FBXL13: variants seen among roughly 807,000 people sequenced by gnomAD.
The protein encoded by FBXL13 is F-box and leucine-rich repeat protein 13.
In FBXL13, 67 loss-of-function variants were observed where a neutral mutation model predicts 83.6. The ratio of observed to expected loss-of-function variants is 0.80; its 90% CI spans 0.66 to 0.98. The LOEUF (loss-of-function observed/expected upper bound fraction) is 0.98, where lower values mean the gene tolerates loss of function less well. Ranked by LOEUF, FBXL13 falls within the 50% of genes least tolerant of loss-of-function variation. The pLI is 0.00. For missense variants in FBXL13, 822 were observed against 866.5 expected, an observed-to-expected ratio of 0.95 and a Z score of 0.64; for synonymous variants, 272 against 299.5, an observed-to-expected ratio of 0.91 and a Z score of 0.95.
intron 9 of FBXL13, among the ~76,000 whole-genome samples, chr7:102,930,619 T>C (rs1818982971): frequency 6.6e-6 from 1 of 152,236 alleles, no homozygotes; most frequent in Non-Finnish European, 1.5e-5. Context: ...TGGTTCTTTC[T>C]GAAACTCTTT....
At chr7:102,929,670 A>AG (rs1053118868) in intron 9 of FBXL13, among the ~76,000 whole-genome samples, 1 of 151,272 alleles carries the variant, frequency 6.6e-6, no homozygotes, top group Non-Finnish European at 1.5e-5. Flanking sequence ...TCTCAAAAAA[A>AG]AAAAAAAAAA....
At chr7:103,015,978 A>T (rs530992994) in intron 6 of FBXL13, among the ~76,000 whole-genome samples, 188 of 152,224 alleles carry the variant, frequency 1.2e-3, no homozygotes, top group Non-Finnish European at 2.2e-3. Flanking sequence ...CTACAACAAG[A>T]TTTACAAAAC....
intron 6 of FBXL13, chr7:102,988,671 T>A (rs1563190682): frequency 6.6e-6 from 1 of 152,184 alleles, no homozygotes. Context: ...AACTCCTTCA[T>A]CATGCAGAAC....
chr7:103,062,037 A>AAC (rs1797973257), intron 1 of FBXL13, among the ~76,000 whole-genome samples: 1 of 151,268 alleles, frequency 6.6e-6, no homozygotes, highest in South Asian at 2.1e-4. Flanking sequence ...AAAAAAAAAA[A>AAC]AAAAAAACAA....
chr7:102,816,551 CAGA>C (rs775374030), intron 19 of FBXL13, among the ~76,000 whole-genome samples: 2 of 152,142 alleles, frequency 1.3e-5, no homozygotes, highest in Non-Finnish European at 2.9e-5. Flanking sequence ...AAGTGGCTGC[CAGA>C]AGGTTTTTCT....
intron 10 of FBXL13, among the ~76,000 whole-genome samples, chr7:102,923,860 A>T (rs1001180616): frequency 3.3e-5 from 5 of 152,116 alleles, no homozygotes; most frequent in Admixed American, 6.5e-5. Flanking sequence ...TTTTAGATAT[A>T]TAAGAAGGAA....
intron 6 of FBXL13, among the ~76,000 whole-genome samples, chr7:103,024,146 A>AGAGAGG (rs1793563660): frequency 3.6e-5 from 2 of 55,894 alleles, no homozygotes; most frequent in Non-Finnish European, 6.5e-5. Flanking sequence ...AGAGAGAGAG[A>AGAGAGG]GAGAGAGAGA....
intron 8 of FBXL13, among the ~76,000 whole-genome samples, chr7:102,962,731 A>G (rs1161600586): frequency 1.3e-5 from 2 of 151,348 alleles, no homozygotes; most frequent in African/African-American, 4.9e-5. Flanking sequence ...CTATTGCAAG[A>G]ACAAAAAACC....
intron 10 of FBXL13, among the ~76,000 whole-genome samples, chr7:102,918,964 T>C (rs1019430980): frequency 3.3e-5 from 5 of 152,054 alleles, no homozygotes; most frequent in Non-Finnish European, 5.9e-5. Context: ...AAGAAAGAAC[T>C]GAGTGGTATT....
At chr7:103,053,217 A>G (rs1797007803) in intron 2 of FBXL13, among the ~76,000 whole-genome samples, 1 of 151,910 alleles carries the variant, frequency 6.6e-6, no homozygotes, top group South Asian at 2.1e-4. Context: ...CAGTGGCGCA[A>G]TCTTGGCACA....
At chr7:102,875,182 C>G (rs1407737991) in intron 16 of FBXL13, among the ~76,000 whole-genome samples, 2 of 152,174 alleles carry the variant, frequency 1.3e-5, no homozygotes, top group Admixed American at 6.5e-5. Context: ...GATAAAAATC[C>G]TGGGCCTTTA....
At chr7:102,826,732 T>TC (rs1217469919) in intron 18 of FBXL13, among the ~76,000 whole-genome samples, 8 of 40,392 alleles carry the variant, frequency 2.0e-4, no homozygotes, top group African/African-American at 1.0e-3. Context: ...CTCATATATA[T>TC]ATATATATAT....
At chr7:103,011,628 ACT>A (rs1344726535) in intron 6 of FBXL13, among the ~76,000 whole-genome samples, 2 of 146,516 alleles carry the variant, frequency 1.4e-5, no homozygotes, top group East Asian at 4.0e-4. Flanking sequence ...ACAGAGTAAG[ACT>A]CTGTCTCAAA....
intron 6 of FBXL13, among the ~76,000 whole-genome samples, chr7:102,968,809 CA>C (rs1373546681): frequency 6.6e-6 from 1 of 152,132 alleles, no homozygotes; most frequent in East Asian, 1.9e-4. Flanking sequence ...TGCTGCTTTT[CA>C]TAATAAAATG....
chr7:102,962,559 A>G (rs1825400863), intron 8 of FBXL13, among the ~76,000 whole-genome samples: 2 of 152,112 alleles, frequency 1.3e-5, no homozygotes, highest in Admixed American at 1.3e-4. Context: ...CATTATTCAC[A>G]AAGCAAAGAC....
At chr7:103,005,168 A>ATCAC (rs1229718429) in intron 6 of FBXL13, among the ~76,000 whole-genome samples, 2 of 152,244 alleles carry the variant, frequency 1.3e-5, no homozygotes, top group African/African-American at 4.8e-5. Flanking sequence ...AGTAGATAAT[A>ATCAC]TCACTACCTA....
chr7:102,930,981 CTT>C (rs1161708515), intron 9 of FBXL13, among the ~76,000 whole-genome samples: 1 of 152,178 alleles, frequency 6.6e-6, no homozygotes, highest in Non-Finnish European at 1.5e-5. Context: ...CTTTGGGTCT[CTT>C]AGGCTAGTGA....
exon 3 of FBXL13, chr7:103,029,386 G>T: frequency 6.5e-7 from 1 of 1,539,642 alleles, no homozygotes; most frequent in South Asian, 1.2e-5. Context: ...CAGTATAAAA[G>T]CTACAGGCTT....
At chr7:102,845,252 T>G (rs532920329) in intron 17 of FBXL13, among the ~76,000 whole-genome samples, 7 of 152,186 alleles carry the variant, frequency 4.6e-5, no homozygotes, top group African/African-American at 1.7e-4. Context: ...AAGAGTCACC[T>G]CATTAGAACA....
Sources: gnomAD v4.1 joint callset for allele counts (sites outside exome capture counted in the v4.1 genomes callset) on GRCh38, gnomAD v4.1.1 for gene constraint, MANE v1.5 for transcripts, NCBI Gene and HGNC (gene_info 2026-07-23, HGNC 2026-07-21) for gene names.